The following EXOC7 variants were observed in gnomAD, a reference collection of about 807,000 sequenced individuals.
The protein encoded by EXOC7 is exocyst complex component 7.
EXOC7 carries 51 observed loss-of-function variants against 87.6 expected under a neutral mutation model. The observed-to-expected ratio is 0.58, with a 90% CI of 0.46 to 0.73. The LOEUF is 0.73. EXOC7 is among the 30% of genes least tolerant of loss of function. The pLI, the probability that EXOC7 is intolerant of heterozygous loss-of-function variation, is 0.00. For synonymous variants in EXOC7, 327 were observed against 357.1 expected (o/e 0.92, Z 0.95); for missense variants, 744 against 888.4 (o/e 0.84, Z 2.07).
chr17:76,085,030 A>T (rs889713737), intron 15 of EXOC7: 2 of 501,478 alleles, frequency 4.0e-6, no homozygotes, highest in East Asian at 3.5e-5. Flanking sequence ...TCTCCTAGGT[A>T]AACATTACCC....
At position 76,091,504 on chromosome 17, in the gene EXOC7, C is replaced by T. The variant is rs1598319318; in HGVS notation, c.809-269G>A. 7.0e-6 allele frequency: 3 copies of T among 426,328 alleles called. No homozygotes were observed. In the East Asian group the frequency reaches 1.3e-4, roughly 19 times the overall value. The allele number at this position is 426,328 out of a possible 1,614,324, so 26.4% of individuals were successfully genotyped here. ...AAGGACAGAGGGTAATGAAGATGGA[C>T]CAAGATCCACCAGGAGAAGTCAAAA... On this transcript the variant is annotated intron_variant, in intron 6 of 18. Transcript: ENST00000589210.
rs996994633 is a variant in EXOC7 at position 76,090,182 on chromosome 17, A to T, written c.902-862T>A. ...GAGAGGCAAGGAGACCTAGGCCCAA[A>T]AGAGAGAGAGTGGAGAGAGAGGCGC... On this transcript the variant is annotated intron_variant, in intron 7 of 18. Transcript: ENST00000589210. 34 of 920,406 alleles carry T rather than the reference A, an allele frequency of 3.7e-5. No homozygotes were observed. The African/African-American group carries it at 4.9e-4, about 13-fold the overall frequency. The allele number at this position is 920,406 out of a possible 1,614,324, so 57.0% of individuals were successfully genotyped here. A position where few individuals can be genotyped will look rare whatever the true frequency, so the allele number is the denominator to read the frequency against.
intron 12 of EXOC7, chr17:76,087,417 T>C (rs2067260202): frequency 1.8e-6 from 1 of 564,796 alleles, no homozygotes; most frequent in South Asian, 2.3e-5. Flanking sequence ...AGGACACTGC[T>C]TCCAGGGCGA....
At position 76,081,257 on chromosome 17, in the gene EXOC7, G is replaced by C. The variant is rs752653913; in HGVS notation, c.*2391C>G. The C allele has an allele frequency of 3.7e-6, 6 of 1,612,688 alleles. No individual in the cohort carries two copies. The South Asian group carries it at 4.4e-5, about 12-fold the overall frequency. Reference sequence around the variant, plus strand: ...TGGGATCTCTCCTTCCTGGTTCATAGTTCTCATTCCCACCCCTCAGCGATG... The same window carrying C: ...TGGGATCTCTCCTTCCTGGTTCATACTTCTCATTCCCACCCCTCAGCGATG... On this transcript the variant is annotated 3_prime_UTR_variant, in exon 19 of 19. Transcript: ENST00000589210.
rs534424732 is a variant in EXOC7 at position 76,089,284 on chromosome 17, T to C, written c.938A>G (p.Tyr313Cys). 7 of 1,614,104 alleles carry C rather than the reference T, an allele frequency of 4.3e-6. No homozygotes were observed. The highest frequency in any genetic ancestry group is 4.0e-5 in the African/African-American group (3 of 75,026). The change falls in exon 8 of 19, where the codon TAC (tyrosine) becomes TGC (cysteine). Residue 313 changes from tyrosine (Y) to cysteine (C), a missense_variant. By Grantham distance (194) the Tyr-to-Cys change is radical. This residue lies in a region of EXOC7 where 512 missense variants were observed against 573.0 expected (regional missense o/e 0.89). Transcript: ENST00000589210. ...GACGAAGGCACTGACGCAGTGGATG[T>C]AGGCATCGGTCTCCACGTCCAGCAT... Reference protein sequence around the residue: ...DDMLDVETDAYIHCVSAFVKL... With the variant: ...DDMLDVETDACIHCVSAFVKL...
In EXOC7 at chr17:76,094,576, T is replaced by A. The variant is rs1476690158; in HGVS notation, c.646A>T (p.Met216Leu). ...GAGCGTATCTGGTAGTAGACGTTCA[T>A]GAAATCTGAGGAGACACAGAGGGAT... ...LVEYGRNQDFMNVYYQIRSSQ... is the reference protein window; with the variant it reads ...LVEYGRNQDFLNVYYQIRSSQ... The change falls in exon 6 of 19, where the codon ATG becomes TTG. Residue 216 changes from methionine (M) to leucine (L), a missense_variant. By Grantham distance (15) the Met-to-Leu change is conservative. Coordinates refer to ENST00000589210, the MANE Select transcript of EXOC7 (RefSeq NM_001013839.4). 6.2e-7 allele frequency: 1 copy of A among 1,612,416 alleles called. No individual in the cohort carries two copies. The highest frequency in any genetic ancestry group is 8.5e-7 in the Non-Finnish European group (1 of 1,179,400).
Position 76,082,709 on chromosome 17 carries a change from G to A in EXOC7, c.*939C>T. ...ATGAAGTTTGCTTTCCCATGGCTGG[G>A]GGCGGGCCATGACAGGGCCTCTGGA... On this transcript the variant is annotated 3_prime_UTR_variant, in exon 19 of 19. Transcript: ENST00000589210. 1.3e-6 allele frequency: 2 copies of A among 1,516,784 alleles called. No individual in the cohort carries two copies. The allele number at this position is 1,516,784 out of a possible 1,614,324, so 94.0% of individuals were successfully genotyped here.
In EXOC7 at chr17:76,090,791, G is replaced by A. The variant is rs2067443276; in HGVS notation, c.901+352C>T. ...CACTCCCCTTTCTAAAGATGGGAAG[G>A]CCGGGAGGCCTCGGCCAGCTGGGGC... On this transcript the variant is annotated intron_variant, in intron 7 of 18. Coordinates refer to ENST00000589210, the MANE Select transcript of EXOC7 (RefSeq NM_001013839.4). The A allele has an allele frequency of 7.8e-6, 4 of 511,202 alleles. No individual in the cohort carries two copies. The South Asian group carries it at 1.0e-4, about 13-fold the overall frequency. 31.7% of individuals were successfully genotyped at this position (511,202 alleles called of 1,614,324 possible).
chr17:76,082,015 A>G lies in EXOC7; in HGVS notation c.*1633T>C, dbSNP rs2144570812. The G allele has an allele frequency of 1.2e-6, 2 of 1,611,394 alleles. No homozygotes were observed. The highest frequency in any genetic ancestry group is 2.7e-5 in the African/African-American group (2 of 74,936). On this transcript the variant is annotated 3_prime_UTR_variant, in exon 19 of 19. Transcript: ENST00000589210. Reference sequence around the variant, plus strand: ...GCCCAGCCCCGAGAGGGGAACAGCGAGAGCACGGCAACCCAGGGCCTCATC... The same window carrying G: ...GCCCAGCCCCGAGAGGGGAACAGCGGGAGCACGGCAACCCAGGGCCTCATC...
chr17:76,088,172 A>G (rs1334976848), intron 10 of EXOC7, 50 bp from the exon 11 acceptor site: 2 of 1,573,832 alleles, frequency 1.3e-6, no homozygotes, highest in East Asian at 2.3e-5. Flanking sequence ...AGCCCACCCC[A>G]TGCCCCAGTG....
chr17:76,081,333 G>T lies in EXOC7; in HGVS notation c.*2315C>A, dbSNP rs760591933. 6.2e-7 allele frequency: 1 copy of T among 1,614,156 alleles called. No individual in the cohort carries two copies. The highest frequency in any genetic ancestry group is 8.5e-7 in the Non-Finnish European group (1 of 1,180,024). Reference sequence around the variant, plus strand: ...TGAACGAGATTGTGAGTGTCAAGAGGGAATACGTAGTTTATGATCTGAAGA... The same window carrying T: ...TGAACGAGATTGTGAGTGTCAAGAGTGAATACGTAGTTTATGATCTGAAGA... On this transcript the variant is annotated 3_prime_UTR_variant, in exon 19 of 19. Coordinates refer to ENST00000589210, the MANE Select transcript of EXOC7 (RefSeq NM_001013839.4).
chr17:76,101,122 C>T (rs558777029), intron 4 of EXOC7, 149 bp downstream of exon 4: 1 of 1,270,614 alleles, frequency 7.9e-7, no homozygotes, highest in East Asian at 3.0e-5. Context: ...ATTCTTGAAG[C>T]AGAGATCCTA....
At position 76,089,489 on chromosome 17, in the gene EXOC7, G is replaced by A. The variant is rs1567969384; in HGVS notation, c.902-169C>T. The A allele has an allele frequency of 3.9e-6, 3 of 765,850 alleles. No individual in the cohort carries two copies. In the East Asian group the frequency reaches 8.1e-5, roughly 21 times the overall value. 47.4% of individuals were successfully genotyped at this position (765,850 alleles called of 1,614,324 possible). A position where few individuals can be genotyped will look rare whatever the true frequency, so the allele number is the denominator to read the frequency against. ...CAAGGGAGCCAGCAGGCCCCGCCAG[G>A]TTCGAGGGGAATAAAAGGAGCTGAG... is the stretch of plus-strand genomic sequence containing the variant. On this transcript the variant is annotated intron_variant, in intron 7 of 18. Transcript: ENST00000589210.
chr17:76,084,629 T>C (rs369114123), intron 15 of EXOC7, 49 bp from the exon 16 acceptor site: 39 of 1,557,408 alleles, frequency 2.5e-5, no homozygotes, highest in Non-Finnish European at 2.9e-5. Context: ...CCTGCCTCAG[T>C]GGCCTGGCTT....
At chr17:76,101,915 C>T (rs2047155284) in intron 2 of EXOC7, 52 bp from the exon 3 acceptor site, 3 of 1,458,410 alleles carry the variant, frequency 2.1e-6, no homozygotes, top group Non-Finnish European at 2.8e-6. Flanking sequence ...CCCAGCACTG[C>T]TTCTACACAC....
intron 12 of EXOC7, among the ~76,000 whole-genome samples, chr17:76,086,600 G>T (rs1199264494): frequency 6.6e-6 from 1 of 152,188 alleles, no homozygotes; most frequent in Non-Finnish European, 1.5e-5. Flanking sequence ...GGGGAAGGCC[G>T]AGTGGGGACA....
At chr17:76,096,871 C>G (rs1295162612) in intron 5 of EXOC7, among the ~76,000 whole-genome samples, 1 of 151,900 alleles carries the variant, frequency 6.6e-6, no homozygotes, top group Non-Finnish European at 1.5e-5. Flanking sequence ...TCTTTTGAGA[C>G]AAGAGTCTCA....
intron 7 of EXOC7, chr17:76,090,208 A>G (rs1412381131): frequency 1.7e-5 from 20 of 1,148,300 alleles, no homozygotes; most frequent in Middle Eastern, 4.7e-4. Context: ...AGAGAGGCGC[A>G]TAGGCCTGGC....
chr17:76,101,704 C>A lies in EXOC7; in HGVS notation c.286G>T (p.Asp96Tyr). The A allele has an allele frequency of 6.2e-7, 1 of 1,613,774 alleles. No individual in the cohort carries two copies. The highest frequency in any genetic ancestry group is 1.1e-5 in the South Asian group (1 of 91,016). ...CCCTCTCTGATGATCTTCTCAGTGT[C>A]ACTGGCCACATGGTAGTAGCTGATG... ...HVISYYHVAS[D>Y]TEKIIREGPT... Residue 96 changes from aspartate to tyrosine, a missense_variant, in exon 3 of 19, where the codon GAC becomes TAC. This residue lies in a region of EXOC7 where 512 missense variants were observed against 573.0 expected (regional missense o/e 0.89). Transcript: ENST00000589210.
Sources: gnomAD v4.1 joint callset for allele counts (sites outside exome capture counted in the v4.1 genomes callset) on GRCh38, gnomAD v4.1.1 for gene constraint, gnomAD v4.1.1 regional missense constraint, MANE v1.5 for transcripts, NCBI Gene and HGNC (gene_info 2026-07-23, HGNC 2026-07-21) for gene names.